The following GABRB3 variants were observed in gnomAD, a reference collection of about 807,000 sequenced individuals.
The protein encoded by GABRB3 is gamma-aminobutyric acid receptor subunit beta-3.
In GABRB3, 14 loss-of-function variants were observed where a neutral mutation model predicts 52.1. The ratio of observed to expected loss-of-function variants is 0.27; its 90% CI spans 0.18 to 0.42. GABRB3 has a LOEUF of 0.42. Ranked by LOEUF, GABRB3 falls within the 10% of genes least tolerant of loss-of-function variation. The probability of loss-of-function intolerance (pLI) is 1.00; values close to 1 mark genes in which losing one functional copy is unlikely to be tolerated. For missense variants in GABRB3, 307 were observed against 609.1 expected (o/e 0.50, Z 5.22); for synonymous variants, 260 against 232.3 (o/e 1.12, Z -1.08).
At chr15:26,589,766 G>A (rs1196295439) in intron 4 of GABRB3, among the ~76,000 whole-genome samples, 1 of 152,126 alleles carries the variant, frequency 6.6e-6, no homozygotes, top group African/African-American at 2.4e-5. Flanking sequence ...TCTCTCCCCA[G>A]TACCTAGAAC....
intron 3 of GABRB3, among the ~76,000 whole-genome samples, chr15:26,633,057 A>C (rs2140560910): frequency 6.6e-6 from 1 of 152,280 alleles, no homozygotes; most frequent in East Asian, 1.9e-4. Flanking sequence ...CCTGAGATGC[A>C]GGTGAAGAAA....
intron 3 of GABRB3, among the ~76,000 whole-genome samples, chr15:26,708,392 T>C (rs1889174854): frequency 6.6e-6 from 1 of 152,184 alleles, no homozygotes; most frequent in Non-Finnish European, 1.5e-5. Flanking sequence ...GCAGATCAGA[T>C]AGTGCCAAGA....
Position 26,694,509 on chromosome 15 carries a change from C to T in GABRB3, c.241-72975G>A, listed in dbSNP as rs142724019. Among the ~76,000 whole-genome samples, 432 of 152,270 alleles carry T rather than the reference C, an allele frequency of 2.8e-3. 2 individuals carry two copies. Among genetic ancestry groups the T allele is most frequent in the African/African-American group, 9.3e-3 (386 of 41,556 alleles). The stretch of plus-strand genomic sequence containing the variant: ...AAAAGAGAAGACAAAAACAAGAACA[C>T]TAGATGAAACTTTAACCTCTAACAT... On this transcript the variant is annotated intron_variant, in intron 3 of 8. Coordinates refer to ENST00000311550, the MANE Select transcript of GABRB3 (RefSeq NM_000814.6).
intron 3 of GABRB3, among the ~76,000 whole-genome samples, chr15:26,754,602 T>C (rs751301554): frequency 1.3e-5 from 2 of 152,236 alleles, no homozygotes; most frequent in Non-Finnish European, 2.9e-5. Flanking sequence ...TATTAAATGA[T>C]GTCTGACTTT....
intron 3 of GABRB3, among the ~76,000 whole-genome samples, chr15:26,668,889 A>T (rs1887800379): frequency 1.3e-5 from 2 of 152,212 alleles, no homozygotes; most frequent in Admixed American, 1.3e-4. Context: ...TGGGTGATTG[A>T]TTCATAAATG....
At chr15:26,763,607 T>TACACACAC (rs150301275) in intron 3 of GABRB3, among the ~76,000 whole-genome samples, 11,375 of 145,810 alleles carry the variant, frequency 0.078, 996 homozygotes, top group African/African-American at 0.21. Context: ...TCTGCATAGA[T>TACACACAC]ACACACACAC....
chr15:26,717,273 T>C (rs1266504104), intron 3 of GABRB3, among the ~76,000 whole-genome samples: 2 of 148,092 alleles, frequency 1.4e-5, no homozygotes, highest in African/African-American at 2.5e-5. Context: ...TCTGGGGATA[T>C]CCACCCGATG....
chr15:26,559,575 G>C (rs952666296), intron 8 of GABRB3, among the ~76,000 whole-genome samples: 3 of 152,146 alleles, frequency 2.0e-5, no homozygotes, highest in African/African-American at 7.2e-5. Context: ...GATTTGAGGG[G>C]ATAGAAGAGG....
intron 4 of GABRB3, among the ~76,000 whole-genome samples, chr15:26,587,785 C>T (rs903242258): frequency 6.6e-6 from 1 of 152,096 alleles, no homozygotes; most frequent in African/African-American, 2.4e-5. Context: ...GTGTAATCCC[C>T]AACACTCACA....
At chr15:26,702,318 C>T (rs1027608970) in intron 3 of GABRB3, among the ~76,000 whole-genome samples, 1 of 152,094 alleles carries the variant, frequency 6.6e-6, no homozygotes, top group Non-Finnish European at 1.5e-5. Context: ...ATTTGTATAG[C>T]GTATATCTGA....
chr15:26,596,404 G>C (rs1396261261), intron 4 of GABRB3, among the ~76,000 whole-genome samples: 1 of 152,080 alleles, frequency 6.6e-6, no homozygotes, highest in Non-Finnish European at 1.5e-5. Flanking sequence ...TGAAAAACAT[G>C]AATTGTCCTG....
chr15:26,568,416 CCAT>C lies in GABRB3; in HGVS notation c.683-686_683-684del, dbSNP rs1344110045. Among the ~76,000 whole-genome samples the C allele has an allele frequency of 9.2e-5, 14 of 152,276 alleles. No individual in the cohort carries two copies. In the South Asian group the frequency reaches 1.0e-3, roughly 11 times the overall value. On this transcript the variant is annotated intron_variant, in intron 6 of 8. Transcript: ENST00000311550. ...ACATTTTGGAATCCTACCACCACCA[CCAT>C]GACAGAGTGAGAAAATATGCCATTT...
intron 3 of GABRB3, chr15:26,624,933 T>C: frequency 1.0e-6 from 1 of 985,530 alleles, no homozygotes; most frequent in Non-Finnish European, 1.2e-6. Flanking sequence ...GCCGCTTGTG[T>C]GAGTGATCCT....
intron 3 of GABRB3, chr15:26,625,104 T>G: frequency 6.0e-6 from 2 of 331,860 alleles, no homozygotes; most frequent in Non-Finnish European, 8.6e-6. Flanking sequence ...TAACCCGGGA[T>G]AGTGGAACTT....
intron 4 of GABRB3, 109 bp from the exon 5 acceptor site, chr15:26,583,523 C>A (rs1398154728): frequency 2.5e-6 from 2 of 812,242 alleles, no homozygotes; most frequent in South Asian, 2.8e-5. Flanking sequence ...GCCCAAAGTA[C>A]GCCTGGCTAA....
chr15:26,715,830 G>A (rs796510117), intron 3 of GABRB3, among the ~76,000 whole-genome samples: 10 of 152,270 alleles, frequency 6.6e-5, no homozygotes, highest in African/African-American at 2.4e-4. Context: ...TCCATGGTCT[G>A]TCATTTATGG....
intron 3 of GABRB3, among the ~76,000 whole-genome samples, chr15:26,710,244 T>C (rs1390438466): frequency 6.6e-6 from 1 of 151,234 alleles, no homozygotes; most frequent in Non-Finnish European, 1.5e-5. Flanking sequence ...TCGTGTGGCA[T>C]ATAATTTGTT....
intron 3 of GABRB3, among the ~76,000 whole-genome samples, chr15:26,718,235 T>C (rs1167828689): frequency 1.1e-4 from 16 of 151,918 alleles, no homozygotes; most frequent in Non-Finnish European, 2.9e-5. Context: ...TGGGACGGAG[T>C]TTTGCTCTTG....
chr15:26,652,633 G>T (rs1277749977), intron 3 of GABRB3, among the ~76,000 whole-genome samples: 1 of 151,998 alleles, frequency 6.6e-6, no homozygotes, highest in African/African-American at 2.4e-5. Context: ...ACATTTCCTG[G>T]AAATAGTCAA....
Sources: gnomAD v4.1 joint callset for allele counts (sites outside exome capture counted in the v4.1 genomes callset) on GRCh38, gnomAD v4.1.1 for gene constraint, MANE v1.5 for transcripts, NCBI Gene and HGNC (gene_info 2026-07-23, HGNC 2026-07-21) for gene names.